NOS1AP: variants seen among roughly 807,000 people sequenced by gnomAD.
The protein encoded by NOS1AP is nitric oxide synthase 1 adaptor protein.
NOS1AP carries 21 observed loss-of-function variants against 56.2 expected under a neutral mutation model. The observed-to-expected ratio is 0.37, with a 90% CI of 0.26 to 0.54. NOS1AP has a LOEUF of 0.54. Among genes scored for constraint, NOS1AP ranks in the 20% least tolerant of loss-of-function variants. The pLI is 0.84. For synonymous variants in NOS1AP, 270 were observed against 274.6 expected (o/e 0.98, Z 0.17); for missense variants, 522 against 657.8 (o/e 0.79, Z 2.26).
intron 2 of NOS1AP, among the ~76,000 whole-genome samples, chr1:162,281,966 GGC>G (rs1654946961): frequency 3.9e-5 from 6 of 152,204 alleles, no homozygotes; most frequent in Non-Finnish European, 8.8e-5. Flanking sequence ...TGGGCATGGT[GGC>G]AGGTGCCTGT....
chr1:162,070,226 C>A lies in NOS1AP; in HGVS notation c.49C>A (p.Arg17=), dbSNP rs1187181602. Residue 17 remains arginine (R), a synonymous_variant, in exon 1 of 10, where the codon CGG becomes AGG. Coordinates refer to ENST00000361897, the MANE Select transcript of NOS1AP (RefSeq NM_014697.3). ...YNLVDDGHDL[R]IPLHNEDAFQ... is the part of the protein sequence containing the mutation. ...CCTTGTGGACGATGGGCACGACCTGCGGATCCCCTTGCACAACGAGGACGC... is the reference window on the plus strand; with the variant it reads ...CCTTGTGGACGATGGGCACGACCTGAGGATCCCCTTGCACAACGAGGACGC... The A allele has an allele frequency of 6.2e-7, 1 of 1,613,994 alleles. No individual in the cohort carries two copies. Among genetic ancestry groups the A allele is most frequent in the African/African-American group, 1.3e-5 (1 of 75,066 alleles).
chr1:162,238,407 G>A (rs1239126172), intron 2 of NOS1AP, among the ~76,000 whole-genome samples: 1 of 152,076 alleles, frequency 6.6e-6, no homozygotes, highest in Non-Finnish European at 1.5e-5. Flanking sequence ...TCTCTTAAGT[G>A]ACCTCCACTT....
At chr1:162,121,225 T>C (rs1648217077) in intron 1 of NOS1AP, among the ~76,000 whole-genome samples, 2 of 151,436 alleles carry the variant, frequency 1.3e-5, no homozygotes, top group Admixed American at 1.3e-4. Flanking sequence ...GGATCAAGTG[T>C]AGTGGCACGA....
chr1:162,134,899 C>T (rs1035415147), intron 1 of NOS1AP, among the ~76,000 whole-genome samples: 4 of 152,188 alleles, frequency 2.6e-5, no homozygotes, highest in African/African-American at 9.7e-5. Flanking sequence ...CATGTTCAGC[C>T]TTATCTCATC....
Position 162,356,960 on chromosome 1 carries a change from G to A in NOS1AP, c.763G>A (p.Val255Ile). Reference protein sequence around the residue: ...KEGGSHTGSKVSHPQEPMLTA... With the variant: ...KEGGSHTGSKISHPQEPMLTA... Reference sequence around the variant, plus strand: ...GTCCTGTCTTCTCCTTCTCCTCCAGGTTTCGCACCCCCAGGAGCCCATGCT... The same window carrying A: ...GTCCTGTCTTCTCCTTCTCCTCCAGATTTCGCACCCCCAGGAGCCCATGCT... Residue 255 changes from valine to isoleucine, a missense_variant and splice_region_variant, in exon 8 of 10, where the codon GTT becomes ATT. Physicochemically the swap from Val to Ile is conservative, Grantham distance 29. Coordinates refer to ENST00000361897, the MANE Select transcript of NOS1AP (RefSeq NM_014697.3). The A allele has an allele frequency of 6.2e-7, 1 of 1,614,040 alleles. No individual in the cohort carries two copies. The highest frequency in any genetic ancestry group is 1.7e-5 in the Admixed American group (1 of 60,020).
chr1:162,087,350 G>A (rs935431112), intron 1 of NOS1AP, among the ~76,000 whole-genome samples: 2 of 152,130 alleles, frequency 1.3e-5, no homozygotes, highest in East Asian at 3.9e-4. Flanking sequence ...TGCATTGGAT[G>A]TGCCATGTGG....
intron 3 of NOS1AP, among the ~76,000 whole-genome samples, chr1:162,296,596 G>A (rs1035926640): frequency 6.6e-6 from 1 of 152,178 alleles, no homozygotes; most frequent in African/African-American, 2.4e-5. Context: ...TGTAGATCCT[G>A]CTAATGCTCA....
At chr1:162,077,327 A>G (rs900649668) in intron 1 of NOS1AP, among the ~76,000 whole-genome samples, 1 of 151,786 alleles carries the variant, frequency 6.6e-6, no homozygotes, top group African/African-American at 2.4e-5. Context: ...ATGTCTCCTC[A>G]TTCCCTAGGA....
chr1:162,234,928 C>T lies in NOS1AP; in HGVS notation c.178-52416C>T, dbSNP rs78541600. On this transcript the variant is annotated intron_variant, in intron 2 of 9. Transcript: ENST00000361897. ...AATCGGCTGTTGAGGCAGAACCCTACTCTGATTCCAACCCCTCGCTGGTTG... is the reference window on the plus strand; with the variant it reads ...AATCGGCTGTTGAGGCAGAACCCTATTCTGATTCCAACCCCTCGCTGGTTG... 2.2e-3 allele frequency among the ~76,000 whole-genome samples: 341 copies of T among 152,330 alleles called. 1 individual carries two copies. The highest frequency in any genetic ancestry group is 7.9e-3 in the African/African-American group (329 of 41,558).
At chr1:162,182,036 A>C (rs1029400881) in intron 2 of NOS1AP, among the ~76,000 whole-genome samples, 1 of 152,184 alleles carries the variant, frequency 6.6e-6, no homozygotes, top group African/African-American at 2.4e-5. Context: ...TTTAATCCTC[A>C]GAGCTGTACA....
At chr1:162,296,104 T>C (rs1222679209) in intron 3 of NOS1AP, among the ~76,000 whole-genome samples, 1 of 152,080 alleles carries the variant, frequency 6.6e-6, no homozygotes, top group African/African-American at 2.4e-5. Flanking sequence ...CTGGCCAACA[T>C]GGTGAAACCC....
chr1:162,164,754 A>G (rs1220381687), intron 2 of NOS1AP, among the ~76,000 whole-genome samples: 1 of 152,150 alleles, frequency 6.6e-6, no homozygotes, highest in East Asian at 1.9e-4. Flanking sequence ...AGCACATGAC[A>G]CAGGGTCTGG....
At chr1:162,221,506 T>G (rs1652767828) in intron 2 of NOS1AP, among the ~76,000 whole-genome samples, 1 of 146,340 alleles carries the variant, frequency 6.8e-6, no homozygotes. Context: ...CTTTTTTTAA[T>G]GCAACACACA....
At chr1:162,194,849 T>C (rs1651755544) in intron 2 of NOS1AP, among the ~76,000 whole-genome samples, 1 of 152,150 alleles carries the variant, frequency 6.6e-6, no homozygotes, top group Admixed American at 6.5e-5. Flanking sequence ...TGAAATTGGG[T>C]TGGCACATTC....
At chr1:162,299,735 A>C (rs1655580158) in intron 3 of NOS1AP, among the ~76,000 whole-genome samples, 1 of 152,160 alleles carries the variant, frequency 6.6e-6, no homozygotes, top group Non-Finnish European at 1.5e-5. Flanking sequence ...GTTTAATCAA[A>C]ATTCAGGGAT....
chr1:162,098,015 G>A (rs1379507819), intron 1 of NOS1AP, among the ~76,000 whole-genome samples: 1 of 150,180 alleles, frequency 6.7e-6, no homozygotes, highest in Admixed American at 6.6e-5. Context: ...TTTAGTCCAT[G>A]AATATGGCTT....
At chr1:162,306,996 C>T (rs575451129) in intron 4 of NOS1AP, among the ~76,000 whole-genome samples, 4 of 152,114 alleles carry the variant, frequency 2.6e-5, no homozygotes, top group East Asian at 1.9e-4. Context: ...TCCAAGTCAC[C>T]GATAAGGCTG....
At chr1:162,154,790 A>C (rs1482809217) in intron 2 of NOS1AP, among the ~76,000 whole-genome samples, 1 of 152,038 alleles carries the variant, frequency 6.6e-6, no homozygotes. Flanking sequence ...TTTTTTATTC[A>C]AAGATTTTAG....
chr1:162,134,402 G>T (rs181240918), intron 1 of NOS1AP, among the ~76,000 whole-genome samples: 2 of 149,914 alleles, frequency 1.3e-5, no homozygotes, highest in Non-Finnish European at 3.0e-5. Context: ...CATGAAAATC[G>T]CTTGAACCGG....
Sources: gnomAD v4.1 joint callset for allele counts (sites outside exome capture counted in the v4.1 genomes callset) on GRCh38, gnomAD v4.1.1 for gene constraint, MANE v1.5 for transcripts, NCBI Gene and HGNC (gene_info 2026-07-23, HGNC 2026-07-21) for gene names.